Variants in SZT2 observed in about 807,000 individuals in gnomAD.
SZT2 encodes the protein KICSTOR complex protein SZT2.
Under a neutral mutation model 404.2 loss-of-function variants are expected in SZT2, and 216 were observed. That is an observed-to-expected ratio of 0.53 (90% CI 0.48 to 0.60). SZT2 has a LOEUF of 0.60. Ranked by LOEUF, SZT2 falls within the 20% of genes least tolerant of loss-of-function variation. The pLI is 0.00. For missense variants in SZT2, 3,857 were observed against 4,459.2 expected (o/e 0.86, Z 3.85); for synonymous variants, 1,693 against 1,749.9 (o/e 0.97, Z 0.81).
At chr1:43,449,867 G>A (rs895992366) in intron 70 of SZT2, 8 of 600,782 alleles carry the variant, frequency 1.3e-5, no homozygotes, top group Non-Finnish European at 2.4e-5. Flanking sequence ...CTCTGTGTGG[G>A]GCCTCCAGGA....
At position 43,452,168 on chromosome 1, in the gene SZT2, A is replaced by G. The variant is rs377185607; in HGVS notation, c.*1688A>G. 64 of 1,561,520 alleles carry G rather than the reference A, an allele frequency of 4.1e-5. No individual in the cohort carries two copies. The highest frequency in any genetic ancestry group is 5.2e-5 in the Admixed American group (3 of 57,606). On this transcript the variant is annotated 3_prime_UTR_variant, in exon 72 of 72. Transcript: ENST00000634258. ...CACCCCCTTCTCCGCACACCCACAG[A>G]GACATGTAAGTACGTGTGTGTTTCC... is the stretch of plus-strand genomic sequence containing the variant.
At position 43,419,834 on chromosome 1, in the gene SZT2, C is replaced by T. The variant is rs751676874; in HGVS notation, c.980C>T (p.Thr327Ile). The T allele has an allele frequency of 1.3e-6, 2 of 1,598,508 alleles. No homozygotes were observed. Among genetic ancestry groups the T allele is most frequent in the South Asian group, 1.1e-5 (1 of 91,090 alleles). Residue 327 changes from threonine to isoleucine, a missense_variant, in exon 8 of 72, where the codon ACT becomes ATT. Coordinates refer to ENST00000634258, the MANE Select transcript of SZT2 (RefSeq NM_001365999.1). ...GCAACATTTGGGTCCTACCTGTCCA[C>T]TTGTCCTGAGCCGGAGCCAGGCAAC... is the stretch of plus-strand genomic sequence containing the variant. ...AMATFGSYLS[T>I]CPEPEPGNLG...
intron 62 of SZT2, chr1:43,445,626 A>C: frequency 1.8e-6 from 1 of 543,242 alleles, no homozygotes; most frequent in Non-Finnish European, 3.3e-6. Flanking sequence ...TGCCCAGCAC[A>C]CACCCTCTCA....
In SZT2 at chr1:43,442,626, C is replaced by G; in HGVS notation, c.8151+8C>G. On this transcript the variant is annotated splice_region_variant and intron_variant, in intron 58 of 71. Transcript: ENST00000634258. The surrounding 1 kb of genome is among the most constrained non-coding windows in gnomAD (Gnocchi z 4.5). ...CCCGTGCGAGATGAAAAGGTGCCTG[C>G]TGCTCTGGTTCTTCCTATAGTTTTG... The G allele has an allele frequency of 6.3e-7, 1 of 1,593,490 alleles. No homozygotes were observed. Among genetic ancestry groups the G allele is most frequent in the South Asian group, 1.1e-5 (1 of 88,728 alleles).
In SZT2 at chr1:43,452,782, G is replaced by T; in HGVS notation, c.*2302G>T. 9.6e-7 allele frequency: 1 copy of T among 1,044,378 alleles called. No individual in the cohort carries two copies. Among genetic ancestry groups the T allele is most frequent in the Non-Finnish European group, 1.4e-6 (1 of 702,958 alleles). 64.7% of individuals were successfully genotyped at this position (1,044,378 alleles called of 1,614,324 possible). On this transcript the variant is annotated 3_prime_UTR_variant, in exon 72 of 72. Transcript: ENST00000634258. The stretch of plus-strand genomic sequence containing the variant: ...TTCTGAGCCTGTTTGGCCTCTGCAG[G>T]ATTTGACATTTGAATCAGCCCCACT...
At chr1:43,397,002 CAAATT>C (rs1220128764) in intron 1 of SZT2, among the ~76,000 whole-genome samples, 3 of 152,148 alleles carry the variant, frequency 2.0e-5, no homozygotes, top group Non-Finnish European at 2.9e-5. Flanking sequence ...TTATTGGTAA[CAAATT>C]AAGAATAGCT....
chr1:43,448,315 G>T lies in SZT2; in HGVS notation c.9800G>T (p.Arg3267Leu). ...CGAGCACGGCTGGCTCAGCTGGTGC[G>T]GCTGGCTGGAGGGCACTGCCGTCGG... ...MARARLAQLV[R>L]LAGGHCRRDT... Residue 3267 changes from arginine (R) to leucine (L), a missense_variant, in exon 69 of 72, where the codon CGG becomes CTG. Physicochemically the swap from Arg to Leu is moderately radical, Grantham distance 102 (BLOSUM62 -2). This residue lies in a region of SZT2 where 717 missense variants were observed against 868.2 expected (regional missense o/e 0.83). Transcript: ENST00000634258. The surrounding 1 kb of genome is among the most constrained non-coding windows in gnomAD (Gnocchi z 4.2). 1 of 1,553,496 alleles carries T rather than the reference G, an allele frequency of 6.4e-7. No individual in the cohort carries two copies. The highest frequency in any genetic ancestry group is 8.7e-7 in the Non-Finnish European group (1 of 1,148,614).
rs778064948 is a variant in SZT2 at position 43,432,749 on chromosome 1, G to A, written c.5552G>A (p.Arg1851Gln). 5 of 1,613,762 alleles carry A rather than the reference G, an allele frequency of 3.1e-6. No homozygotes were observed. Among genetic ancestry groups the A allele is most frequent in the Non-Finnish European group, 4.2e-6 (5 of 1,179,944 alleles). Reference sequence around the variant, plus strand: ...CCAGGGAGTCAGCCTGGGCCCAGCCGGGGATTAAGTCTCATGTCCAGTCAG... The same window carrying A: ...CCAGGGAGTCAGCCTGGGCCCAGCCAGGGATTAAGTCTCATGTCCAGTCAG... Reference protein sequence around the residue: ...PQGGSQPGPSRGLSLMSSQGS... With the variant: ...PQGGSQPGPSQGLSLMSSQGS... Residue 1851 changes from arginine to glutamine, a missense_variant, in exon 39 of 72, where the codon CGG (arginine) becomes CAG (glutamine). Physicochemically the swap from Arg to Gln is conservative, Grantham distance 43. Transcript: ENST00000634258.
chr1:43,422,757 A>G lies in SZT2; in HGVS notation c.1923-12A>G, dbSNP rs757643564. On this transcript the variant is annotated splice_polypyrimidine_tract_variant and intron_variant, in intron 13 of 71. Coordinates refer to ENST00000634258, the MANE Select transcript of SZT2 (RefSeq NM_001365999.1). The stretch of plus-strand genomic sequence containing the variant: ...AACCTTGGGCTGCTCACTGACTCCC[A>G]TTTCTCCCCAGTGCCCCAGACCAGC... 1.9e-6 allele frequency: 3 copies of G among 1,551,246 alleles called. No individual in the cohort carries two copies. The highest frequency in any genetic ancestry group is 2.6e-6 in the Non-Finnish European group (3 of 1,156,748).
intron 8 of SZT2, 44 bp downstream of exon 8, chr1:43,419,988 A>C: frequency 1.9e-6 from 3 of 1,594,354 alleles, no homozygotes; most frequent in Non-Finnish European, 2.5e-6. Context: ...GGGAATATAG[A>C]ATGGGCCCAG....
At chr1:43,421,940 G>A (rs1217047066) in intron 11 of SZT2, 143 bp from the exon 12 acceptor site, 5 of 852,998 alleles carry the variant, frequency 5.9e-6, no homozygotes, top group Non-Finnish European at 8.6e-6. Flanking sequence ...GTTTTTGCCT[G>A]TGCTTCAGGC....
chr1:43,416,431 G>T, intron 6 of SZT2, 104 bp from the exon 7 acceptor site: 1 of 871,572 alleles, frequency 1.1e-6, no homozygotes, highest in East Asian at 2.6e-5. Flanking sequence ...TGCCGACATT[G>T]GTGGGAAGAC....
In SZT2 at chr1:43,404,452, C is replaced by G; in HGVS notation, c.400C>G (p.Arg134Gly). The G allele has an allele frequency of 6.2e-7, 1 of 1,614,020 alleles. No homozygotes were observed. Among genetic ancestry groups the G allele is most frequent in the Non-Finnish European group, 8.5e-7 (1 of 1,180,022 alleles). The part of the protein sequence containing the change: ...ALSRCLGGLL[R>G]PFRVPGSCID... ...GTCCCGCTGCTTAGGCGGGCTGCTT[C>G]GGCCCTTCCGAGTGCCTGGATCTTG... Residue 134 changes from arginine (R) to glycine (G), a missense_variant, in exon 4 of 72, where the codon CGG (arginine) becomes GGG (glycine). Arg to Gly is a moderately radical substitution (Grantham distance 125, BLOSUM62 -2). Around this residue, in one of 7 missense-constraint regions of SZT2, gnomAD observed 536 missense variants for 637.4 expected, o/e 0.84. Coordinates refer to ENST00000634258, the MANE Select transcript of SZT2 (RefSeq NM_001365999.1).
At chr1:43,419,675 G>A (rs763268714) in intron 7 of SZT2, 59 bp from the exon 8 acceptor site, 6 of 1,427,294 alleles carry the variant, frequency 4.2e-6, no homozygotes, top group Non-Finnish European at 5.7e-6. Flanking sequence ...TTTCTCTCCT[G>A]TTCTTCCTTC....
Position 43,451,605 on chromosome 1 carries a change from G to GT in SZT2, c.*1126dup, listed in dbSNP as rs752223896. On this transcript the variant is annotated 3_prime_UTR_variant, in exon 72 of 72. Transcript: ENST00000634258. ...TCCTGCCAGGGCCTGAAGGACAGAT[G>GT]TGGGGATTGAAAGGGTGGGAGGGCA... The GT allele has an allele frequency of 6.2e-7, 1 of 1,614,002 alleles. No homozygotes were observed. Among genetic ancestry groups the GT allele is most frequent in the Non-Finnish European group, 8.5e-7 (1 of 1,179,934 alleles).
At chr1:43,404,279 C>G in intron 3 of SZT2, 101 bp from the exon 4 acceptor site, 1 of 998,256 alleles carries the variant, frequency 1.0e-6, no homozygotes, top group Non-Finnish European at 1.5e-6. Context: ...GTGCGATCAT[C>G]CATAAGTTAA....
At chr1:43,407,755 T>G (rs1023348053) in intron 4 of SZT2, among the ~76,000 whole-genome samples, 11 of 149,764 alleles carry the variant, frequency 7.3e-5, no homozygotes, top group Admixed American at 6.0e-4. Context: ...TCATCTATAA[T>G]ACAATACCCA....
At chr1:43,419,004 G>A (rs1383224413) in intron 7 of SZT2, among the ~76,000 whole-genome samples, 1 of 152,236 alleles carries the variant, frequency 6.6e-6, no homozygotes, top group Non-Finnish European at 1.5e-5. Context: ...TACTGGAGAT[G>A]AGAGTTAAGG....
Position 43,425,512 on chromosome 1 carries a change from C to T in SZT2, c.2684C>T (p.Ala895Val), listed in dbSNP as rs769720407. 1 of 1,614,120 alleles carries T rather than the reference C, an allele frequency of 6.2e-7. No individual in the cohort carries two copies. Among genetic ancestry groups the T allele is most frequent in the South Asian group, 1.1e-5 (1 of 91,072 alleles). ...GATGACAATGATGTGGAAGTGGAGG[C>T]CCTGGAGGGAGACTCAGAGCTCAAT... ...TDDDNDVEVE[A>V]LEGDSELNLV... Residue 895 changes from alanine (A) to valine (V), a missense_variant, in exon 19 of 72, where the codon GCC becomes GTC. Physicochemically the swap from Ala to Val is moderately conservative, Grantham distance 64. Transcript: ENST00000634258. This position sits in a 1 kb window ranked among gnomAD's most constrained non-coding sequence, Gnocchi z 4.3.
Sources: allele counts gnomAD v4.1 joint callset (sites outside exome capture counted in the v4.1 genomes callset), GRCh38; gene constraint gnomAD v4.1.1; regional missense constraint gnomAD v4.1.1; non-coding constraint Gnocchi (gnomAD v3.1); transcripts MANE v1.5; gene names NCBI Gene and HGNC (gene_info 2026-07-23, HGNC 2026-07-21).